MAD1L1: variants seen among roughly 807,000 people sequenced by gnomAD.
MAD1L1 encodes mitotic spindle assembly checkpoint protein MAD1.
A neutral mutation model predicts 96.9 loss-of-function variants in MAD1L1; 95 were observed. That is an observed-to-expected ratio of 0.98 (90% confidence interval 0.83 to 1.16). The LOEUF (loss-of-function observed/expected upper bound fraction) is 1.16, where lower values mean the gene tolerates loss of function less well. Among genes scored for constraint, MAD1L1 ranks in the 50% most tolerant of loss-of-function variants. The probability of loss-of-function intolerance (pLI) is 0.00; values close to 1 mark genes in which losing one functional copy is unlikely to be tolerated. For missense variants in MAD1L1, 1,007 were observed against 954.4 expected (o/e 1.06, Z -0.73); for synonymous variants, 473 against 396.6 (o/e 1.19, Z -2.29).
At chr7:1,851,300 TG>T (rs1783964496) in intron 18 of MAD1L1, among the ~76,000 whole-genome samples, 2 of 152,190 alleles carry the variant, frequency 1.3e-5, no homozygotes, top group East Asian at 3.9e-4. Context: ...GGCACAGGGT[TG>T]GGGGCTGATG....
chr7:1,937,686 C>T (rs1408641729), intron 16 of MAD1L1, among the ~76,000 whole-genome samples: 1 of 139,464 alleles, frequency 7.2e-6, no homozygotes, highest in Non-Finnish European at 1.6e-5. Flanking sequence ...CACACACAAA[C>T]ATCAGCCGCC....
At chr7:2,033,451 C>T (rs1208536953) in intron 12 of MAD1L1, among the ~76,000 whole-genome samples, 1 of 152,252 alleles carries the variant, frequency 6.6e-6, no homozygotes, top group African/African-American at 2.4e-5. Flanking sequence ...ACCAACACCT[C>T]CGTGGGTCCC....
intron 11 of MAD1L1, among the ~76,000 whole-genome samples, chr7:2,097,517 T>G (rs115360812): frequency 2.8e-4 from 43 of 151,330 alleles, no homozygotes; most frequent in African/African-American, 9.2e-4. Flanking sequence ...GAACAATGGG[T>G]CCGAGAATGC....
chr7:2,079,746 G>C (rs529758631), intron 11 of MAD1L1: 2 of 470,938 alleles, frequency 4.2e-6, no homozygotes, highest in Admixed American at 2.3e-5. Context: ...GGGGAGCCCC[G>C]GCAAGCACGG....
intron 16 of MAD1L1, among the ~76,000 whole-genome samples, chr7:1,939,675 C>T (rs919559747): frequency 6.6e-6 from 1 of 152,360 alleles, no homozygotes; most frequent in South Asian, 2.1e-4. Flanking sequence ...CAGAGGGGAA[C>T]AGGGAAACAC....
At chr7:2,104,688 C>T (rs12537865) in intron 11 of MAD1L1, among the ~76,000 whole-genome samples, 12 of 72,534 alleles carry the variant, frequency 1.7e-4, no homozygotes, top group South Asian at 1.3e-3. Flanking sequence ...ACATCCCTAA[C>T]GCCTTTGAAA....
chr7:2,180,893 C>A (rs567894714), intron 10 of MAD1L1, among the ~76,000 whole-genome samples: 2 of 152,122 alleles, frequency 1.3e-5, no homozygotes, highest in African/African-American at 2.4e-5. Context: ...TATTTCCTCT[C>A]CTTGCATAAA....
intron 10 of MAD1L1, among the ~76,000 whole-genome samples, chr7:2,156,157 GGGA>G (rs1789826511): frequency 6.8e-6 from 1 of 146,414 alleles, no homozygotes; most frequent in Non-Finnish European, 1.5e-5. Flanking sequence ...GTGTGGCGAG[GGGA>G]GCGGGCGCAC....
At chr7:1,965,282 C>A (rs193052560) in intron 15 of MAD1L1, among the ~76,000 whole-genome samples, 1,907 of 152,312 alleles carry the variant, frequency 0.013, 31 homozygotes, top group African/African-American at 0.043. Flanking sequence ...GCACCTCGCC[C>A]CTCCAGGCTT....
At chr7:2,214,320 T>C (rs965457445) in intron 9 of MAD1L1, among the ~76,000 whole-genome samples, 5 of 152,164 alleles carry the variant, frequency 3.3e-5, no homozygotes, top group African/African-American at 1.2e-4. Context: ...ATGGGAGCTG[T>C]CTTTTCAGGC....
At chr7:2,141,573 A>G (rs1789033493) in intron 11 of MAD1L1, among the ~76,000 whole-genome samples, 1 of 152,204 alleles carries the variant, frequency 6.6e-6, no homozygotes, top group Non-Finnish European at 1.5e-5. Context: ...CGCATGAGGG[A>G]GGGAGGCCCC....
intron 11 of MAD1L1, among the ~76,000 whole-genome samples, chr7:2,141,863 T>C (rs1789050848): frequency 6.6e-6 from 1 of 152,144 alleles, no homozygotes; most frequent in South Asian, 2.1e-4. Context: ...TGCCGCCAAG[T>C]CCTCTTTTCC....
chr7:2,030,180 T>G (rs1783159244), intron 12 of MAD1L1, among the ~76,000 whole-genome samples: 1 of 152,156 alleles, frequency 6.6e-6, no homozygotes, highest in South Asian at 2.1e-4. Flanking sequence ...TGTGTACAGG[T>G]GCATGTCCGC....
rs553146712 is a variant in MAD1L1 at position 2,211,217 on chromosome 7, C to A, written c.986+1995G>T. ...TCCTCTCCCTCATCCAGGGCCTGGC[C>A]ACCAGGGAGGGCAGAGTGAACACAG... On this transcript the variant is annotated intron_variant, in intron 10 of 18. Coordinates refer to ENST00000265854, the MANE Select transcript of MAD1L1 (RefSeq NM_001013836.2). 2.3e-4 allele frequency among the ~76,000 whole-genome samples: 35 copies of A among 152,276 alleles called. No individual in the cohort carries two copies. In the East Asian group the frequency reaches 6.6e-3, roughly 29 times the overall value.
chr7:2,108,557 T>G (rs541530330), intron 11 of MAD1L1, among the ~76,000 whole-genome samples: 1 of 152,360 alleles, frequency 6.6e-6, no homozygotes, highest in South Asian at 2.1e-4. Flanking sequence ...CAAATGAACA[T>G]CTGTGTTTAG....
intron 10 of MAD1L1, among the ~76,000 whole-genome samples, chr7:2,155,378 T>C (rs1789778937): frequency 6.6e-6 from 1 of 152,224 alleles, no homozygotes. Context: ...GTGTTGAGCA[T>C]ATTCATGTTA....
chr7:1,949,572 G>A (rs890029428), intron 16 of MAD1L1, among the ~76,000 whole-genome samples: 3 of 152,204 alleles, frequency 2.0e-5, no homozygotes, highest in Admixed American at 6.5e-5. Context: ...AGGCGGCGGG[G>A]AGGGGCCTCT....
chr7:1,960,714 G>A (rs188600271), intron 15 of MAD1L1, among the ~76,000 whole-genome samples: 1 of 152,178 alleles, frequency 6.6e-6, no homozygotes, highest in Non-Finnish European at 1.5e-5. Context: ...TGAGACTTCA[G>A]TATCCCTCTC....
chr7:2,069,545 C>T (rs1785029636), intron 11 of MAD1L1, among the ~76,000 whole-genome samples: 1 of 152,234 alleles, frequency 6.6e-6, no homozygotes, highest in Non-Finnish European at 1.5e-5. Flanking sequence ...AGGGTGATCC[C>T]AGAACACGGC....
Sources: gnomAD v4.1 joint callset for allele counts (sites outside exome capture counted in the v4.1 genomes callset) on GRCh38, gnomAD v4.1.1 for gene constraint, MANE v1.5 for transcripts, NCBI Gene and HGNC (gene_info 2026-07-23, HGNC 2026-07-21) for gene names.